The following NBEAL1 variants were observed in gnomAD, a reference collection of about 807,000 sequenced individuals.
NBEAL1 encodes neurobeachin like 1.
NBEAL1 carries 273 observed loss-of-function variants against 351.3 expected under a neutral mutation model. The observed-to-expected ratio is 0.78, with a 90% CI of 0.70 to 0.86. The LOEUF is 0.86. Ranked by LOEUF, NBEAL1 falls within the 40% of genes least tolerant of loss-of-function variation. The pLI is 0.00. For synonymous variants in NBEAL1, 1,050 were observed against 1,086.4 expected, an observed-to-expected ratio of 0.97 and a Z score of 0.66; for missense variants, 2,961 against 3,201.3, an observed-to-expected ratio of 0.92 and a Z score of 1.81.
intron 35 of NBEAL1, among the ~76,000 whole-genome samples, 163 bp from the exon 36 acceptor site, chr2:203,157,536 A>T (rs2063827791): frequency 6.6e-6 from 1 of 152,138 alleles, no homozygotes; most frequent in Non-Finnish European, 1.5e-5. Flanking sequence ...CAAAATCGCC[A>T]TCAAACGTGA....
At chr2:203,114,372 T>C (rs1038802940) in intron 17 of NBEAL1, among the ~76,000 whole-genome samples, 9 of 152,226 alleles carry the variant, frequency 5.9e-5, no homozygotes, top group African/African-American at 2.2e-4. Context: ...GCTTCCAAAA[T>C]CATGAGCCTT....
chr2:203,051,619 A>G (rs897760330), intron 4 of NBEAL1, among the ~76,000 whole-genome samples: 24 of 152,064 alleles, frequency 1.6e-4, no homozygotes, highest in African/African-American at 4.6e-4. Context: ...ATAATTTGCT[A>G]TATTTTCCTG....
rs1486394115 is a variant in NBEAL1 at position 203,057,342 on chromosome 2, A to G, written c.404A>G (p.Lys135Arg). ...TGTTCTCAGTTAAAAAGCAAAAAAA[A>G]AGAGAAGGAAATGGCAGATCAGACA... ...LYIQQLKSKK[K>R]EKEMADQTCI... is the part of the protein sequence containing the mutation. Residue 135 changes from lysine (K) to arginine (R), a missense_variant, in exon 6 of 56, where the codon AAA becomes AGA. Lys to Arg is a conservative substitution (Grantham distance 26). Coordinates refer to ENST00000683969, the MANE Select transcript of NBEAL1 (RefSeq NM_001378026.1). The G allele has an allele frequency of 6.5e-7, 1 of 1,549,240 alleles. No homozygotes were observed.
chr2:203,107,570 A>G lies in NBEAL1; in HGVS notation c.1369-38A>G, dbSNP rs532234837. ...ATTTCTGTTAATATCCATTTTGAAA[A>G]TGATAACTAACCTTTTATCTTTTAT... is the stretch of plus-strand genomic sequence containing the variant. On this transcript the variant is annotated intron_variant, in intron 13 of 55. Transcript: ENST00000683969. 9.7e-6 allele frequency: 15 copies of G among 1,544,916 alleles called. 1 individual carries two copies. The South Asian group carries it at 1.8e-4, about 18-fold the overall frequency.
chr2:203,199,257 A>G (rs994973596), intron 48 of NBEAL1, 81 bp from the exon 49 acceptor site: 10 of 750,592 alleles, frequency 1.3e-5, no homozygotes, highest in Non-Finnish European at 2.3e-5. Context: ...ATAAATGCCA[A>G]TGTCATGTGA....
At chr2:203,114,948 C>T (rs891511400) in intron 17 of NBEAL1, among the ~76,000 whole-genome samples, 4 of 151,910 alleles carry the variant, frequency 2.6e-5, no homozygotes, top group Non-Finnish European at 2.9e-5. Flanking sequence ...GACAAGGTTT[C>T]GCCATGTTCG....
intron 10 of NBEAL1, among the ~76,000 whole-genome samples, chr2:203,089,373 AG>A (rs1559357567): frequency 2.0e-5 from 3 of 151,856 alleles, no homozygotes; most frequent in African/African-American, 7.2e-5. Context: ...AAAAAAAAAA[AG>A]ATCCCCACTT....
intron 46 of NBEAL1, among the ~76,000 whole-genome samples, chr2:203,192,963 C>CTTTTTTTTTTTTT (rs71408917): frequency 1.0e-5 from 1 of 99,332 alleles, no homozygotes; most frequent in African/African-American, 3.9e-5. Flanking sequence ...TTCTTTCTTT[C>CTTTTTTTTTTTTT]TTTTTTTTTT....
intron 10 of NBEAL1, among the ~76,000 whole-genome samples, chr2:203,088,944 A>G (rs2062015387): frequency 6.6e-6 from 1 of 152,172 alleles, no homozygotes; most frequent in African/African-American, 2.4e-5. Flanking sequence ...GTGGGTGTAT[A>G]GGTTTCTTTT....
At position 203,198,283 on chromosome 2, in the gene NBEAL1, C is replaced by T. The variant is rs144886032; in HGVS notation, c.7128+892C>T. 5.3e-3 allele frequency among the ~76,000 whole-genome samples: 811 copies of T among 151,590 alleles called. 10 individuals are homozygous for T. Among genetic ancestry groups the T allele is most frequent in the African/African-American group, 0.018 (750 of 41,374 alleles). On this transcript the variant is annotated intron_variant, in intron 48 of 55. Transcript: ENST00000683969. ...CCACCTGAGCCTCACAAAGTGCCTGCGTTTTTTAAAGTTACCAGAATTTCG... is the reference window on the plus strand; with the variant it reads ...CCACCTGAGCCTCACAAAGTGCCTGTGTTTTTTAAAGTTACCAGAATTTCG...
intron 9 of NBEAL1, among the ~76,000 whole-genome samples, chr2:203,083,864 T>G (rs1041498895): frequency 6.6e-6 from 1 of 152,004 alleles, no homozygotes; most frequent in Non-Finnish European, 1.5e-5. Flanking sequence ...TGGTAAAGAG[T>G]CACATACAGT....
chr2:203,216,217 G>A (rs1382729479), intron 55 of NBEAL1, among the ~76,000 whole-genome samples: 4 of 152,130 alleles, frequency 2.6e-5, no homozygotes, highest in Non-Finnish European at 5.9e-5. Flanking sequence ...ATTTAATGGT[G>A]AACAAAATGC....
At chr2:203,029,512 A>G (rs2106012712) in intron 2 of NBEAL1, among the ~76,000 whole-genome samples, 1 of 152,258 alleles carries the variant, frequency 6.6e-6, no homozygotes, top group South Asian at 2.1e-4. Flanking sequence ...GGGCAACATG[A>G]TGAAACCTGC....
At chr2:203,109,505 C>G (rs1207324668) in intron 14 of NBEAL1, among the ~76,000 whole-genome samples, 1 of 151,906 alleles carries the variant, frequency 6.6e-6, no homozygotes, top group East Asian at 1.9e-4. Flanking sequence ...GTAGCTACTA[C>G]TTTTTAATAT....
chr2:203,106,956 G>T (rs1038930772), intron 12 of NBEAL1, among the ~76,000 whole-genome samples: 1 of 152,102 alleles, frequency 6.6e-6, no homozygotes, highest in African/African-American at 2.4e-5. Flanking sequence ...AAAACTCTTT[G>T]TACTCAGTTT....
At chr2:203,206,311 T>C (rs1449361801) in intron 51 of NBEAL1, among the ~76,000 whole-genome samples, 1 of 152,206 alleles carries the variant, frequency 6.6e-6, no homozygotes, top group Non-Finnish European at 1.5e-5. Flanking sequence ...AGCCAAGACA[T>C]ATTTAAAAAT....
At chr2:203,140,405 T>G (rs1430190719) in intron 31 of NBEAL1, among the ~76,000 whole-genome samples, 2 of 152,186 alleles carry the variant, frequency 1.3e-5, no homozygotes, top group Non-Finnish European at 2.9e-5. Flanking sequence ...CGTTACTTCT[T>G]TCTTGTTCTA....
chr2:203,072,399 CTTGT>C (rs370858792), intron 7 of NBEAL1, among the ~76,000 whole-genome samples: 21 of 150,974 alleles, frequency 1.4e-4, no homozygotes, highest in African/African-American at 2.7e-4. Flanking sequence ...AACAAGCTTT[CTTGT>C]TTGTTTGTTT....
chr2:203,217,840 G>A lies in NBEAL1; in HGVS notation c.*486G>A, dbSNP rs879338004. On this transcript the variant is annotated 3_prime_UTR_variant, in exon 56 of 56. Coordinates refer to ENST00000683969, the MANE Select transcript of NBEAL1 (RefSeq NM_001378026.1). ...TTGCACACTTGGATTTTCAAAACTC[G>A]GTGAAAGTTACAAGTTTGCATGGTA... 6.0e-5 allele frequency: 59 copies of A among 985,008 alleles called. No individual in the cohort carries two copies. The highest frequency in any genetic ancestry group is 1.4e-4 in the African/African-American group (8 of 57,160). The allele number at this position is 985,008 out of a possible 1,614,324, so 61.0% of individuals were successfully genotyped here. A position where few individuals can be genotyped will look rare whatever the true frequency, so the allele number is the denominator to read the frequency against.
Sources: gnomAD v4.1 joint callset for allele counts (sites outside exome capture counted in the v4.1 genomes callset) on GRCh38, gnomAD v4.1.1 for gene constraint, MANE v1.5 for transcripts, NCBI Gene and HGNC (gene_info 2026-07-23, HGNC 2026-07-21) for gene names.